The following CNGB1 variants were observed in gnomAD, a reference collection of about 807,000 sequenced individuals.
The protein encoded by CNGB1 is cyclic nucleotide gated channel subunit beta 1.
Under a neutral mutation model 151.7 loss-of-function variants are expected in CNGB1, and 126 were observed. The observed-to-expected ratio is 0.83, with a 90% confidence interval of 0.72 to 0.96. CNGB1 has a LOEUF of 0.96. Among genes scored for constraint, CNGB1 ranks in the 40% least tolerant of loss-of-function variants. CNGB1 has a pLI of 0.00. For synonymous variants in CNGB1, 623 were observed against 635.1 expected, an observed-to-expected ratio of 0.98 and a Z score of 0.29; for missense variants, 1,698 against 1,627.0, an observed-to-expected ratio of 1.04 and a Z score of -0.75.
At position 57,903,853 on chromosome 16, in the gene CNGB1, G is replaced by A. The variant is rs534055212; in HGVS notation, c.2763C>T (p.Tyr921=). 3.7e-5 allele frequency: 60 copies of A among 1,614,172 alleles called. No homozygotes were observed. The highest frequency in any genetic ancestry group is 4.6e-5 in the Non-Finnish European group (54 of 1,180,030). ...KSVQNRVKTW[Y]EYTWHSQGML... is the part of the protein sequence containing the mutation. ...TGCCTTGCGAGTGCCAGGTGTACTCGTACCAGGTCTTGACGCGGTTCTGCA... is the reference window on the plus strand; with the variant it reads ...TGCCTTGCGAGTGCCAGGTGTACTCATACCAGGTCTTGACGCGGTTCTGCA... The change falls in exon 27 of 33, where the codon TAC becomes TAT. Residue 921 remains tyrosine (Y), a synonymous_variant. Coordinates refer to ENST00000251102, the MANE Select transcript of CNGB1 (RefSeq NM_001297.5).
chr16:57,912,920 G>T lies in CNGB1; in HGVS notation c.2369+10C>A, dbSNP rs1960769628. On this transcript the variant is annotated intron_variant, in intron 24 of 32. Coordinates refer to ENST00000251102, the MANE Select transcript of CNGB1 (RefSeq NM_001297.5). Reference sequence around the variant, plus strand: ...TGTGTGCATGCATGCACATGCAGGGGGAGTCTCACCTGTACACGTAGGCTT... The same window carrying T: ...TGTGTGCATGCATGCACATGCAGGGTGAGTCTCACCTGTACACGTAGGCTT... 3 of 1,613,710 alleles carry T rather than the reference G, an allele frequency of 1.9e-6. No individual in the cohort carries two copies. The highest frequency in any genetic ancestry group is 2.5e-6 in the Non-Finnish European group (3 of 1,179,692).
intron 16 of CNGB1, among the ~76,000 whole-genome samples, chr16:57,935,952 T>A (rs1961497274): frequency 6.6e-6 from 1 of 152,046 alleles, no homozygotes; most frequent in South Asian, 2.1e-4. Context: ...GTGGACGTCT[T>A]CCCGTGAAAT....
chr16:57,969,871 A>G (rs1299567875), intron 1 of CNGB1, among the ~76,000 whole-genome samples: 1 of 152,066 alleles, frequency 6.6e-6, no homozygotes, highest in Non-Finnish European at 1.5e-5. Flanking sequence ...GCCCCACATG[A>G]GTGTGCCCCA....
intron 18 of CNGB1, among the ~76,000 whole-genome samples, chr16:57,920,997 A>T (rs1961016154): frequency 6.6e-6 from 1 of 152,174 alleles, no homozygotes; most frequent in Admixed American, 6.6e-5. Context: ...GTGCAGATAC[A>T]TTCTATATCC....
Position 57,960,549 on chromosome 16 carries a change from G to A in CNGB1, c.535-19C>T, listed in dbSNP as rs554826002. 2.0e-5 allele frequency: 33 copies of A among 1,612,600 alleles called. 1 individual carries two copies. In the East Asian group the frequency reaches 3.1e-4, roughly 15 times the overall value. The stretch of plus-strand genomic sequence containing the variant: ...TCCAGACCTGGGTGACAAACAGGGC[G>A]CAAGGTCATGGGCCATAGCAAGCTC... On this transcript the variant is annotated intron_variant, in intron 8 of 32. Coordinates refer to ENST00000251102, the MANE Select transcript of CNGB1 (RefSeq NM_001297.5).
intron 14 of CNGB1, among the ~76,000 whole-genome samples, chr16:57,946,853 C>T (rs560614754): frequency 6.6e-6 from 1 of 152,298 alleles, no homozygotes; most frequent in African/African-American, 2.4e-5. Context: ...GCCTGGAGCC[C>T]AAAAGTTCCC....
At chr16:57,967,704 A>G (rs1322550595) in intron 1 of CNGB1, among the ~76,000 whole-genome samples, 1 of 152,082 alleles carries the variant, frequency 6.6e-6, no homozygotes, top group Non-Finnish European at 1.5e-5. Flanking sequence ...CAAAAAATAT[A>G]TAATATATAT....
In CNGB1 at chr16:57,909,489, G is replaced by A. The variant is rs546973051; in HGVS notation, c.2492+2264C>T. Among the ~76,000 whole-genome samples the A allele has an allele frequency of 1.2e-4, 18 of 152,204 alleles. 2 individuals are homozygous for A. Among genetic ancestry groups the A allele is most frequent in the African/African-American group, 4.1e-4 (17 of 41,538 alleles). ...CAACCTCCCCCTTCCGGGTTCCAGC[G>A]ATACTTCTCCTGCTTCAGCCTCCCA... is the stretch of plus-strand genomic sequence containing the variant. On this transcript the variant is annotated intron_variant, in intron 25 of 32. Transcript: ENST00000251102.
chr16:57,916,181 T>C lies in CNGB1; in HGVS notation c.2167-2A>G. 1 of 1,613,422 alleles carries C rather than the reference T, an allele frequency of 6.2e-7. No individual in the cohort carries two copies. The highest frequency in any genetic ancestry group is 8.5e-7 in the Non-Finnish European group (1 of 1,179,362). On this transcript the variant is annotated splice_acceptor_variant, in intron 21 of 32. Coordinates refer to ENST00000251102, the MANE Select transcript of CNGB1 (RefSeq NM_001297.5). LOFTEE classifies it high-confidence loss of function. ...ATTTCGCATGTCCTTTTTGTCCGTC[T>C]GAAAGAAAGGGAATGATGATGGTGA... is the stretch of plus-strand genomic sequence containing the variant.
rs1962052796 is a variant in CNGB1, at chr16:57,955,132, T to C, written c.874+2209A>G. The C allele has an allele frequency of 1.1e-5, 16 of 1,445,874 alleles. No individual in the cohort carries two copies. The South Asian group carries it at 1.9e-4, about 17-fold the overall frequency. The allele number at this position is 1,445,874 out of a possible 1,614,324, so 89.6% of individuals were successfully genotyped here. On this transcript the variant is annotated intron_variant, in intron 12 of 32. Transcript: ENST00000251102. ...GGCTGCCCATGGCTGGCCTTCCCCTTGTTCTGGTCTGGGAGGCTCTGGGGC... is the reference window on the plus strand; with the variant it reads ...GGCTGCCCATGGCTGGCCTTCCCCTCGTTCTGGTCTGGGAGGCTCTGGGGC...
intron 23 of CNGB1, 73 bp from the exon 24 acceptor site, chr16:57,913,067 C>T: frequency 8.9e-6 from 13 of 1,453,914 alleles, no homozygotes; most frequent in South Asian, 2.3e-5. Flanking sequence ...CCACGGGCGC[C>T]GAGACTCAGG....
chr16:57,891,009 ACT>A (rs1403786901), intron 31 of CNGB1, among the ~76,000 whole-genome samples: 1 of 152,204 alleles, frequency 6.6e-6, no homozygotes, highest in African/African-American at 2.4e-5. Flanking sequence ...GTGCACAGGC[ACT>A]GTCAGGAATG....
At chr16:57,940,733 T>TG (rs1194808008) in intron 14 of CNGB1, among the ~76,000 whole-genome samples, 5 of 152,084 alleles carry the variant, frequency 3.3e-5, no homozygotes, top group Non-Finnish European at 5.9e-5. Context: ...ATCTTGGTGA[T>TG]GGGTAGAGCA....
rs199552115 is a variant in CNGB1, at chr16:57,897,901, C to A, written c.2990G>T (p.Arg997Leu). The change falls in exon 30 of 33, where the codon CGT becomes CTT. Residue 997 changes from arginine to leucine, a missense_variant. Arg to Leu is a moderately radical substitution (Grantham distance 102, BLOSUM62 -2). Transcript: ENST00000251102. ...CCCTGCCTGGATGATGTACATCTCACGGCCGATCTCCCCCTGAAACAAAGA... is the reference window on the plus strand; with the variant it reads ...CCCTGCCTGGATGATGTACATCTCAAGGCCGATCTCCCCCTGAAACAAAGA... ...DYVCKKGEIG[R>L]EMYIIQAGQV... The A allele has an allele frequency of 2.5e-6, 4 of 1,614,180 alleles. No homozygotes were observed. The South Asian group carries it at 4.4e-5, about 18-fold the overall frequency.
intron 25 of CNGB1, among the ~76,000 whole-genome samples, chr16:57,908,720 C>G (rs560467376): frequency 1.3e-5 from 2 of 152,198 alleles, no homozygotes; most frequent in Non-Finnish European, 2.9e-5. Flanking sequence ...CTCAAGCCTC[C>G]GCTCTGACTC....
chr16:57,897,328 A>C, intron 31 of CNGB1, 69 bp downstream of exon 31: 17 of 1,443,126 alleles, frequency 1.2e-5, no homozygotes, highest in South Asian at 2.3e-5. Flanking sequence ...AGATAAAGGT[A>C]CTGTGGTTAT....
intron 20 of CNGB1, 134 bp downstream of exon 20, chr16:57,918,965 T>G: frequency 2.0e-6 from 3 of 1,505,018 alleles, no homozygotes; most frequent in Non-Finnish European, 2.7e-6. Context: ...TTGAAAGGTA[T>G]AAAAGATCAT....
chr16:57,932,746 A>C (rs1174353317), intron 16 of CNGB1, among the ~76,000 whole-genome samples: 6 of 151,842 alleles, frequency 4.0e-5, no homozygotes, highest in Admixed American at 2.0e-4. Flanking sequence ...ACGCCCGGCT[A>C]ATTTTTTGTA....
At position 57,915,891 on chromosome 16, in the gene CNGB1, C is replaced by T. The variant is rs1960852298; in HGVS notation, c.2217+238G>A. Among the ~76,000 whole-genome samples, 3 of 134,682 alleles carry T rather than the reference C, an allele frequency of 2.2e-5. No individual in the cohort carries two copies. In the South Asian group the frequency reaches 7.2e-4, roughly 32 times the overall value. 88.4% of individuals were successfully genotyped at this position (134,682 alleles called of 152,430 possible). ...CCAGCCTGGGAGACAGAGTTAGACC[C>T]TGTCTCAAAAAAAAAAAAAAAAGAA... On this transcript the variant is annotated intron_variant, in intron 22 of 32. Transcript: ENST00000251102.
Sources: gnomAD v4.1 joint callset for allele counts (sites outside exome capture counted in the v4.1 genomes callset) on GRCh38, gnomAD v4.1.1 for gene constraint, MANE v1.5 for transcripts, NCBI Gene and HGNC (gene_info 2026-07-23, HGNC 2026-07-21) for gene names.